Variants in LNX1 observed in about 807,000 individuals in gnomAD.
The protein encoded by LNX1 is ligand of numb-protein X 1.
A neutral mutation model predicts 68.4 loss-of-function variants in LNX1; 54 were observed. The observed-to-expected ratio is 0.79, with a 90% CI of 0.63 to 0.99. The LOEUF (loss-of-function observed/expected upper bound fraction) is 0.99, where lower values mean the gene tolerates loss of function less well. Among genes scored for constraint, LNX1 ranks in the 50% least tolerant of loss-of-function variants. LNX1 has a pLI of 0.00. For missense variants in LNX1, 906 were observed against 926.4 expected, an observed-to-expected ratio of 0.98 and a Z score of 0.29; for synonymous variants, 336 against 350.0, an observed-to-expected ratio of 0.96 and a Z score of 0.45.
chr4:53,461,695 G>T, intron 9 of LNX1, 102 bp from the exon 10 acceptor site: 1 of 873,772 alleles, frequency 1.1e-6, no homozygotes, highest in Non-Finnish European at 1.8e-6. Context: ...CATTTTTAAT[G>T]GCTAAGTACC....
chr4:53,630,451 G>T (rs1047409947), intron 1 of LNX1, among the ~76,000 whole-genome samples: 4 of 152,138 alleles, frequency 2.6e-5, no homozygotes, highest in African/African-American at 9.7e-5. Flanking sequence ...CATACTGGAT[G>T]TAAGTGTCCT....
At chr4:53,480,482 A>G (rs1723841695) in intron 7 of LNX1, among the ~76,000 whole-genome samples, 1 of 151,776 alleles carries the variant, frequency 6.6e-6, no homozygotes, top group Non-Finnish European at 1.5e-5. Context: ...AAAAACTTCA[A>G]TTAATTAATT....
At chr4:53,488,339 A>T (rs912839026) in intron 6 of LNX1, among the ~76,000 whole-genome samples, 1 of 152,148 alleles carries the variant, frequency 6.6e-6, no homozygotes, top group Non-Finnish European at 1.5e-5. Context: ...CCCTGTGACA[A>T]TCCTATTTGA....
intron 9 of LNX1, among the ~76,000 whole-genome samples, chr4:53,464,823 T>C (rs1412527913): frequency 6.6e-6 from 1 of 152,100 alleles, no homozygotes; most frequent in Non-Finnish European, 1.5e-5. Context: ...ACCTCAAAAT[T>C]TGTCTTTATT....
At chr4:53,512,607 A>G (rs1486192342) in intron 2 of LNX1, among the ~76,000 whole-genome samples, 2 of 152,074 alleles carry the variant, frequency 1.3e-5, no homozygotes, top group East Asian at 3.9e-4. Context: ...AAATGAGACT[A>G]ATTTTTCAAC....
intron 1 of LNX1, among the ~76,000 whole-genome samples, chr4:53,636,562 C>T (rs1734489672): frequency 6.6e-6 from 1 of 152,094 alleles, no homozygotes; most frequent in Non-Finnish European, 1.5e-5. Flanking sequence ...GATGATAATG[C>T]CCATATTGTG....
intron 2 of LNX1, among the ~76,000 whole-genome samples, chr4:53,529,337 T>A (rs1727861096): frequency 6.6e-6 from 1 of 152,146 alleles, no homozygotes; most frequent in Non-Finnish European, 1.5e-5. Flanking sequence ...GCAGCATAGT[T>A]GAGGAGACAA....
intron 7 of LNX1, 33 bp from the exon 8 acceptor site, chr4:53,478,775 A>C (rs1452241090): frequency 8.2e-6 from 13 of 1,589,094 alleles, no homozygotes; most frequent in Non-Finnish European, 1.1e-5. Flanking sequence ...ATGGCACATG[A>C]ATTCACAACT....
intron 2 of LNX1, among the ~76,000 whole-genome samples, chr4:53,536,880 T>C (rs1230674069): frequency 6.6e-6 from 1 of 152,200 alleles, no homozygotes; most frequent in Admixed American, 6.5e-5. Context: ...GATACAAATA[T>C]TTTAGTATAG....
chr4:53,516,103 A>G (rs897070556), intron 2 of LNX1, among the ~76,000 whole-genome samples: 4 of 152,184 alleles, frequency 2.6e-5, no homozygotes, highest in African/African-American at 9.7e-5. Flanking sequence ...TTAGCTGGGC[A>G]TGATGGTGCA....
chr4:53,496,438 C>T (rs1725068671), intron 5 of LNX1, 44 bp from the exon 6 acceptor site: 1 of 1,549,728 alleles, frequency 6.5e-7, no homozygotes, highest in South Asian at 1.2e-5. Context: ...CCACCTGCCA[C>T]AACCCTTCCT....
rs1238858299 is a variant in LNX1 at position 53,476,945 on chromosome 4, G to A, written c.1700C>T (p.Thr567Ile). 2 of 1,614,048 alleles carry A rather than the reference G, an allele frequency of 1.2e-6. No individual in the cohort carries two copies. Among genetic ancestry groups the A allele is most frequent in the African/African-American group, 2.7e-5 (2 of 74,928 alleles). ...ILLNVDGVEL[T>I]EVSRSEAVAL... is the part of the protein sequence containing the mutation. ...CACTGCCTCACTCCGGCTGACCTCT[G>A]TCAGTTCGACCCCATCCACATTCAA... The change falls in exon 9 of 11, where the codon ACA becomes ATA. Residue 567 changes from threonine (T) to isoleucine (I), a missense_variant. Coordinates refer to ENST00000263925, the MANE Select transcript of LNX1 (RefSeq NM_001126328.3).
rs200020412 is a variant in LNX1, at chr4:53,507,322, G to A, written c.770C>T (p.Pro257Leu). ...CTTATGGGGAGTTCATTTACCTTCA[G>A]GGGCAGTGGTGTTTTCAGAATTTTC... ...GRENSENTTAPEVFPRLYHLI... is the reference protein window; with the variant it reads ...GRENSENTTALEVFPRLYHLI... Residue 257 changes from proline (P) to leucine (L), a missense_variant, in exon 4 of 11, where the codon CCT becomes CTT. Coordinates refer to ENST00000263925, the MANE Select transcript of LNX1 (RefSeq NM_001126328.3). The A allele has an allele frequency of 1.7e-5, 28 of 1,613,854 alleles. No homozygotes were observed. The highest frequency in any genetic ancestry group is 2.4e-5 in the Non-Finnish European group (28 of 1,179,966).
intron 2 of LNX1, among the ~76,000 whole-genome samples, chr4:53,572,997 CT>C (rs1451748024): frequency 6.6e-6 from 1 of 152,170 alleles, no homozygotes; most frequent in East Asian, 1.9e-4. Flanking sequence ...ACTGGGGCAC[CT>C]TTTTTTCCTT....
intron 2 of LNX1, among the ~76,000 whole-genome samples, chr4:53,517,626 G>C (rs1726886263): frequency 1.3e-5 from 2 of 152,174 alleles, no homozygotes; most frequent in South Asian, 4.1e-4. Context: ...CACCATACCT[G>C]CATCTTCTTA....
In LNX1 at chr4:53,487,906, T is replaced by C. The variant is rs552953925; in HGVS notation, c.1351-6052A>G. Among the ~76,000 whole-genome samples the C allele has an allele frequency of 2.6e-5, 4 of 152,346 alleles. No individual in the cohort carries two copies. In the East Asian group the frequency reaches 5.8e-4, roughly 22 times the overall value. ...CTTTAAATGATTTTTCAACATATGC[T>C]TGTGGGGATGGCTCTTTCTACACTG... On this transcript the variant is annotated intron_variant, in intron 6 of 10. Transcript: ENST00000263925.
At chr4:53,466,468 TC>T (rs1185136130) in intron 9 of LNX1, among the ~76,000 whole-genome samples, 2 of 152,176 alleles carry the variant, frequency 1.3e-5, no homozygotes, top group Admixed American at 6.5e-5. Flanking sequence ...TGGGTTCATC[TC>T]ACTAGGGAGT....
At chr4:53,524,212 C>T (rs1452830216) in intron 2 of LNX1, 2 of 152,070 alleles carry the variant, frequency 1.3e-5, no homozygotes, top group Non-Finnish European at 2.9e-5. Flanking sequence ...TTTCACTAGA[C>T]CTTGATGGCA....
At chr4:53,631,935 G>A (rs2616425) in intron 1 of LNX1, among the ~76,000 whole-genome samples, 12 of 152,002 alleles carry the variant, frequency 7.9e-5, no homozygotes, top group Admixed American at 4.6e-4. Flanking sequence ...AAAATTTTAA[G>A]TAAAATCTGC....
Sources: gnomAD v4.1 joint callset for allele counts (sites outside exome capture counted in the v4.1 genomes callset) on GRCh38, gnomAD v4.1.1 for gene constraint, MANE v1.5 for transcripts, NCBI Gene and HGNC (gene_info 2026-07-23, HGNC 2026-07-21) for gene names.